RAPGEF2: variants seen among roughly 807,000 people sequenced by gnomAD.
The protein encoded by RAPGEF2 is PDZ domain containing guanine nucleotide exchange factor (GEF) 1.
RAPGEF2 carries 54 observed loss-of-function variants against 186.7 expected under a neutral mutation model. That is an observed-to-expected ratio of 0.29 (90% confidence interval 0.23 to 0.36). The LOEUF is 0.36. RAPGEF2 is among the 10% of genes least tolerant of loss of function. RAPGEF2 has a pLI of 1.00. For missense variants in RAPGEF2, 1,532 were observed against 2,045.0 expected, an observed-to-expected ratio of 0.75 and a Z score of 4.84; for synonymous variants, 712 against 705.9, an observed-to-expected ratio of 1.01 and a Z score of -0.14.
chr4:159,349,452 A>T (rs1425113719), intron 25 of RAPGEF2, among the ~76,000 whole-genome samples: 11 of 151,850 alleles, frequency 7.2e-5, no homozygotes, highest in Non-Finnish European at 1.3e-4. Context: ...CATGTAGAAT[A>T]ATTTTTCCTC....
chr4:159,200,060 C>CTCTCTA lies in RAPGEF2; in HGVS notation c.197+6805_197+6806insCTCTAT, dbSNP rs138313884. 2.9e-3 allele frequency among the ~76,000 whole-genome samples: 446 copies of CTCTCTA among 151,390 alleles called. 4 individuals carry two copies. The highest frequency in any genetic ancestry group is 0.01 in the African/African-American group (430 of 41,166). On this transcript the variant is annotated intron_variant, in intron 3 of 29. Transcript: ENST00000691494. ...GATTTGATGTAATCTCTCTCTCTCT[C>CTCTCTA]TATATATATATATAGTTTGTATTGG...
At chr4:159,351,302 CTTTTT>C in intron 26 of RAPGEF2, 1 of 895,496 alleles carries the variant, frequency 1.1e-6, no homozygotes, top group Non-Finnish European at 1.5e-6. Context: ...TTTTCTGAAA[CTTTTT>C]TTTTTTTAAG....
At chr4:159,174,173 C>T (rs1048930967) in intron 1 of RAPGEF2, among the ~76,000 whole-genome samples, 5 of 152,188 alleles carry the variant, frequency 3.3e-5, no homozygotes, top group East Asian at 3.8e-4. Flanking sequence ...AACTTGCTTA[C>T]GGGATCATTT....
chr4:159,212,624 G>A (rs1750639301), intron 4 of RAPGEF2, among the ~76,000 whole-genome samples: 1 of 152,070 alleles, frequency 6.6e-6, no homozygotes, highest in Non-Finnish European at 1.5e-5. Flanking sequence ...AACTTTTAGT[G>A]CCTATTTAAC....
At chr4:159,279,641 T>G (rs2110881040) in intron 7 of RAPGEF2, among the ~76,000 whole-genome samples, 1 of 152,258 alleles carries the variant, frequency 6.6e-6, no homozygotes, top group South Asian at 2.1e-4. Context: ...TTTGAAGAAC[T>G]ACTCTTTAAC....
chr4:159,264,130 A>T (rs940611742), intron 7 of RAPGEF2, among the ~76,000 whole-genome samples: 51 of 152,186 alleles, frequency 3.4e-4, no homozygotes, highest in African/African-American at 1.2e-3. Flanking sequence ...TCCTTTGTTT[A>T]TATTTCTTTA....
At chr4:159,198,726 G>A (rs1198117584) in intron 3 of RAPGEF2, among the ~76,000 whole-genome samples, 5 of 151,902 alleles carry the variant, frequency 3.3e-5, no homozygotes, top group African/African-American at 7.3e-5. Context: ...GATTACAGGC[G>A]TGAGCCACTG....
At chr4:159,344,928 A>T (rs1252480971) in intron 23 of RAPGEF2, among the ~76,000 whole-genome samples, 178 bp from the exon 24 acceptor site, 1 of 152,150 alleles carries the variant, frequency 6.6e-6, no homozygotes, top group Non-Finnish European at 1.5e-5. Context: ...ATTATGTGTA[A>T]TTTTCTTTAA....
intron 7 of RAPGEF2, among the ~76,000 whole-genome samples, chr4:159,263,188 A>C (rs759205175): frequency 1.3e-5 from 2 of 152,206 alleles, no homozygotes; most frequent in Non-Finnish European, 2.9e-5. Flanking sequence ...AGATGACGTG[A>C]AAATGTAAGA....
At chr4:159,276,218 A>G (rs1238636194) in intron 7 of RAPGEF2, among the ~76,000 whole-genome samples, 1 of 152,178 alleles carries the variant, frequency 6.6e-6, no homozygotes, top group Non-Finnish European at 1.5e-5. Flanking sequence ...GAGTAAATTT[A>G]TGCCCCAGGT....
At chr4:159,176,788 T>C (rs1215470850) in intron 1 of RAPGEF2, among the ~76,000 whole-genome samples, 1 of 152,174 alleles carries the variant, frequency 6.6e-6, no homozygotes, top group Non-Finnish European at 1.5e-5. Context: ...GTAAATATTA[T>C]AAGGAATGTT....
intron 7 of RAPGEF2, chr4:159,267,272 G>A (rs181794400): frequency 3.9e-6 from 5 of 1,289,326 alleles, no homozygotes; most frequent in East Asian, 5.5e-5. Context: ...TTCCTTGTGC[G>A]TTGCTATGCC....
intron 7 of RAPGEF2, among the ~76,000 whole-genome samples, chr4:159,302,995 A>G (rs888343566): frequency 6.6e-6 from 1 of 152,098 alleles, no homozygotes; most frequent in Non-Finnish European, 1.5e-5. Context: ...ATATGCCCCT[A>G]TTAAGTTTAT....
Position 159,356,100 on chromosome 4 carries a change from C to G in RAPGEF2, c.4899C>G (p.Asn1633Lys). The change falls in exon 29 of 30, where the codon AAC becomes AAG. Residue 1633 changes from asparagine to lysine, a missense_variant. Asn to Lys is a moderately conservative substitution (Grantham distance 94). Around this residue, in one of 4 missense-constraint regions of RAPGEF2, gnomAD observed 594 missense variants for 608.5 expected, o/e 0.98. Coordinates refer to ENST00000691494, the MANE Select transcript of RAPGEF2 (RefSeq NM_001394067.2). ...PVNKPQWHKPNESDPRLAPYQ... is the reference protein window; with the variant it reads ...PVNKPQWHKPKESDPRLAPYQ... ...ACAAACCTCAGTGGCATAAACCGAACGAGTCTGACCCGCGCCTCGCCCCCT... is the reference window on the plus strand; with the variant it reads ...ACAAACCTCAGTGGCATAAACCGAAGGAGTCTGACCCGCGCCTCGCCCCCT... 1.2e-6 allele frequency: 2 copies of G among 1,614,208 alleles called. No individual in the cohort carries two copies. The highest frequency in any genetic ancestry group is 1.7e-6 in the Non-Finnish European group (2 of 1,180,036).
rs1732424354 is a variant in RAPGEF2, at chr4:159,358,945, C to T, written c.*806C>T. 1 of 152,228 alleles carries T rather than the reference C, an allele frequency of 6.6e-6. No individual in the cohort carries two copies. Among genetic ancestry groups the T allele is most frequent in the Non-Finnish European group, 1.5e-5 (1 of 68,120 alleles). The allele number at this position is 152,228 out of a possible 1,614,324, so 9.4% of individuals were successfully genotyped here. A position where few individuals can be genotyped will look rare whatever the true frequency, so the allele number is the denominator to read the frequency against. ...ACCAAGACACCTCATCTGCTCCTTCCCCAGTGGATGGGGTTCTTCTGTAAA... is the reference window on the plus strand; with the variant it reads ...ACCAAGACACCTCATCTGCTCCTTCTCCAGTGGATGGGGTTCTTCTGTAAA... On this transcript the variant is annotated 3_prime_UTR_variant, in exon 30 of 30. Coordinates refer to ENST00000691494, the MANE Select transcript of RAPGEF2 (RefSeq NM_001394067.2).
chr4:159,341,704 A>C lies in RAPGEF2; in HGVS notation c.2675A>C (p.Glu892Ala). The change falls in exon 20 of 30, where the codon GAA becomes GCA. Residue 892 changes from glutamate to alanine, a missense_variant. Coordinates refer to ENST00000691494, the MANE Select transcript of RAPGEF2 (RefSeq NM_001394067.2). ...ACACAGCTCTCTATGCGAAATTTTG[A>C]ACTCTTTCGCAACATTGAACCTACT... The part of the protein sequence containing the change: ...VATQLSMRNF[E>A]LFRNIEPTEY... 4.3e-6 allele frequency: 7 copies of C among 1,614,102 alleles called. No homozygotes were observed. The highest frequency in any genetic ancestry group is 5.9e-6 in the Non-Finnish European group (7 of 1,179,948).
At chr4:159,147,560 A>C (rs938201019) in intron 1 of RAPGEF2, among the ~76,000 whole-genome samples, 1 of 152,240 alleles carries the variant, frequency 6.6e-6, no homozygotes, top group Non-Finnish European at 1.5e-5. Flanking sequence ...ATTTATAATG[A>C]ATAGCTTGAT....
chr4:159,128,907 A>G (rs1156823715), intron 1 of RAPGEF2: 1 of 137,900 alleles, frequency 7.3e-6, no homozygotes, highest in African/African-American at 2.7e-5. Context: ...GTGTGTATAT[A>G]TATACATATG....
intron 7 of RAPGEF2, among the ~76,000 whole-genome samples, chr4:159,301,018 T>G (rs1010610579): frequency 6.6e-6 from 1 of 152,196 alleles, no homozygotes; most frequent in African/African-American, 2.4e-5. Context: ...TCTTTCCTTA[T>G]GGGAACACCT....
Sources: gnomAD v4.1 joint callset for allele counts (sites outside exome capture counted in the v4.1 genomes callset) on GRCh38, gnomAD v4.1.1 for gene constraint, gnomAD v4.1.1 regional missense constraint, MANE v1.5 for transcripts, NCBI Gene and HGNC (gene_info 2026-07-23, HGNC 2026-07-21) for gene names.